CUL2: variants seen among roughly 807,000 people sequenced by gnomAD.
CUL2 encodes the protein cullin 2, also known as cullin-2.
Under a neutral mutation model 110.2 loss-of-function variants are expected in CUL2, and 22 were observed. The ratio of observed to expected loss-of-function variants is 0.20; its 90% CI spans 0.14 to 0.28. CUL2 has a LOEUF of 0.28. Among genes scored for constraint, CUL2 ranks in the 10% least tolerant of loss-of-function variants. The pLI is 1.00. For synonymous variants in CUL2, 279 were observed against 293.2 expected (o/e 0.95, Z 0.49); for missense variants, 631 against 905.5 (o/e 0.70, Z 3.89).
chr10:35,054,989 T>A (rs1261591887), intron 4 of CUL2, among the ~76,000 whole-genome samples: 2 of 152,182 alleles, frequency 1.3e-5, no homozygotes, highest in African/African-American at 4.8e-5. Flanking sequence ...TGGAACACAG[T>A]GTTACAGATA....
At chr10:35,032,275 T>C (rs1049573874) in intron 12 of CUL2, among the ~76,000 whole-genome samples, 160 bp downstream of exon 12, 8 of 152,208 alleles carry the variant, frequency 5.3e-5, no homozygotes, top group Non-Finnish European at 1.2e-4. Flanking sequence ...CATAGTATAT[T>C]GCATTCCTTA....
At chr10:35,073,765 C>T (rs1412741199) in intron 1 of CUL2, among the ~76,000 whole-genome samples, 3 of 151,908 alleles carry the variant, frequency 2.0e-5, no homozygotes, top group Non-Finnish European at 2.9e-5. Context: ...CCACCACACC[C>T]GGCTAATTTT....
At chr10:35,013,612 T>C in intron 19 of CUL2, 87 bp downstream of exon 19, 1 of 844,172 alleles carries the variant, frequency 1.2e-6, no homozygotes, top group Non-Finnish European at 1.8e-6. Flanking sequence ...CTGTGCAAAG[T>C]TTTGCACAAT....
At chr10:35,071,423 G>A in intron 1 of CUL2, 84 bp from the exon 2 acceptor site, 3 of 1,259,248 alleles carry the variant, frequency 2.4e-6, no homozygotes, top group Non-Finnish European at 3.4e-6. Flanking sequence ...TGTTTGCTTT[G>A]AGACGGAGTC....
chr10:35,067,521 G>A (rs1399095687), intron 2 of CUL2, among the ~76,000 whole-genome samples: 1 of 151,876 alleles, frequency 6.6e-6, no homozygotes, highest in Non-Finnish European at 1.5e-5. Flanking sequence ...AGGCTGAGGT[G>A]GGGGGAATCA....
At chr10:35,117,260 G>A (rs1208246390) in intron 1 of CUL2, among the ~76,000 whole-genome samples, 1 of 152,162 alleles carries the variant, frequency 6.6e-6, no homozygotes, top group African/African-American at 2.4e-5. Flanking sequence ...TGGACTGGCA[G>A]AGCACTCAAC....
In CUL2 at chr10:35,079,370, AAT is replaced by A. The variant is rs1419554865; in HGVS notation, c.-22-8033_-22-8032del. Among the ~76,000 whole-genome samples, 17 of 152,246 alleles carry A rather than the reference AAT, an allele frequency of 1.1e-4. No individual in the cohort carries two copies. The East Asian group carries it at 3.1e-3, about 28-fold the overall frequency. On this transcript the variant is annotated intron_variant, in intron 1 of 20. Transcript: ENST00000374749. ...TTACTACTGACCTTCTGTATTCCTG[AAT>A]ATGTGTTACAGTCCCTGACTTAGAG...
chr10:35,042,823 A>C (rs1006090495), intron 8 of CUL2, among the ~76,000 whole-genome samples: 5 of 152,136 alleles, frequency 3.3e-5, no homozygotes, highest in Non-Finnish European at 7.3e-5. Context: ...CAAACAGTGT[A>C]CTGTAGGACT....
chr10:35,067,674 G>C (rs1045099422), intron 2 of CUL2, among the ~76,000 whole-genome samples: 17 of 151,750 alleles, frequency 1.1e-4, no homozygotes, highest in East Asian at 3.9e-4. Flanking sequence ...AACCCAGGAG[G>C]GGGAGGCTGC....
intron 10 of CUL2, among the ~76,000 whole-genome samples, chr10:35,033,852 G>A (rs1174889682): frequency 1.3e-5 from 2 of 151,662 alleles, no homozygotes; most frequent in African/African-American, 2.4e-5. Flanking sequence ...CCCACCAAAA[G>A]CATACTTTTC....
upstream of CUL2, among the ~76,000 whole-genome samples, chr10:35,091,600 T>C (rs1485714526): frequency 6.6e-6 from 1 of 152,070 alleles, no homozygotes; most frequent in Non-Finnish European, 1.5e-5. Flanking sequence ...AACTAGTTTG[T>C]TAACAATGCA....
chr10:35,046,530 A>C (rs16935866), intron 6 of CUL2, among the ~76,000 whole-genome samples: 22,962 of 152,176 alleles, frequency 0.15, 1,954 homozygotes, highest in East Asian at 0.24. Flanking sequence ...GTCTGAGTTC[A>C]TCCTGGTAAA....
At chr10:35,081,240 C>A (rs551556818) in intron 1 of CUL2, among the ~76,000 whole-genome samples, 3 of 152,186 alleles carry the variant, frequency 2.0e-5, no homozygotes, top group African/African-American at 7.2e-5. Flanking sequence ...AAAGCAGCTA[C>A]CTGCTTCCAA....
chr10:35,077,306 AAAAAAC>A (rs1288117718), intron 1 of CUL2, among the ~76,000 whole-genome samples: 2 of 148,658 alleles, frequency 1.3e-5, no homozygotes, highest in African/African-American at 4.9e-5. Flanking sequence ...AAAAAAAAAC[AAAAAAC>A]AAAAACAAAC....
intron 8 of CUL2, 139 bp downstream of exon 8, chr10:35,044,427 C>CA (rs1588990797): frequency 1.8e-6 from 1 of 542,102 alleles, no homozygotes; most frequent in East Asian, 3.1e-5. Context: ...AACTGTAACT[C>CA]AGAGTTAATG....
chr10:35,126,113 G>T (rs2135167706), intron 1 of CUL2, among the ~76,000 whole-genome samples: 1 of 151,682 alleles, frequency 6.6e-6, no homozygotes, highest in East Asian at 1.9e-4. Context: ...TGAGCCCCCG[G>T]CCGACCTTTC....
intron 16 of CUL2, among the ~76,000 whole-genome samples, chr10:35,027,143 CTTTT>C (rs35508150): frequency 3.1e-5 from 4 of 127,586 alleles, no homozygotes; most frequent in Admixed American, 8.1e-5. Context: ...ACTTTAGATA[CTTTT>C]TTTTTTTTTT....
At position 35,032,487 on chromosome 10, in the gene CUL2, G is replaced by A. The variant is rs758784812; in HGVS notation, c.1118C>T (p.Thr373Met). ...HFMSALDKAL[T>M]SVVNYREPKS... Reference sequence around the variant, plus strand: ...AGGTTCTCTGTAATTTACAACTGACGTAAGGGCCTGAATAAAAAAACACGC... The same window carrying A: ...AGGTTCTCTGTAATTTACAACTGACATAAGGGCCTGAATAAAAAAACACGC... Residue 373 changes from threonine to methionine, a missense_variant, in exon 12 of 21, where the codon ACG becomes ATG. Coordinates refer to ENST00000374749, the MANE Select transcript of CUL2 (RefSeq NM_003591.4). 3 of 1,587,514 alleles carry A rather than the reference G, an allele frequency of 1.9e-6. No homozygotes were observed. Among genetic ancestry groups the A allele is most frequent in the South Asian group, 1.2e-5 (1 of 86,066 alleles).
chr10:35,045,370 C>T (rs2085908507), intron 6 of CUL2, among the ~76,000 whole-genome samples: 2 of 151,918 alleles, frequency 1.3e-5, no homozygotes, highest in African/African-American at 2.4e-5. Flanking sequence ...GGGAGGATCC[C>T]TGAGTGCTGA....
Sources: allele counts gnomAD v4.1 joint callset (sites outside exome capture counted in the v4.1 genomes callset), GRCh38; gene constraint gnomAD v4.1.1; transcripts MANE v1.5; gene names NCBI Gene and HGNC (gene_info 2026-07-23, HGNC 2026-07-21).